Variants in LNPEP observed in about 807,000 individuals in gnomAD.
LNPEP encodes leucyl and cystinyl aminopeptidase, also known as leucyl-cystinyl aminopeptidase.
Under a neutral mutation model 120.6 loss-of-function variants are expected in LNPEP, and 64 were observed. The observed-to-expected ratio is 0.53, with a 90% CI of 0.43 to 0.65. The LOEUF (loss-of-function observed/expected upper bound fraction) is 0.65. Among genes scored for constraint, LNPEP ranks in the 30% least tolerant of loss-of-function variants. LNPEP has a pLI of 0.00. For missense variants in LNPEP, 1,057 were observed against 1,200.0 expected (o/e 0.88, Z 1.76); for synonymous variants, 435 against 425.4 (o/e 1.02, Z -0.28).
At chr5:96,985,758 G>GT (rs535139069) in intron 3 of LNPEP, among the ~76,000 whole-genome samples, 13,490 of 139,138 alleles carry the variant, frequency 0.097, 972 homozygotes, top group African/African-American at 0.21. Flanking sequence ...GTCTTTTTTT[G>GT]TTTTTTTTTT....
intron 4 of LNPEP, among the ~76,000 whole-genome samples, chr5:96,992,221 C>A (rs1412861877): frequency 6.6e-6 from 1 of 152,128 alleles, no homozygotes; most frequent in Non-Finnish European, 1.5e-5. Flanking sequence ...TCTGCCTTGT[C>A]TCTTAGTATG....
chr5:96,949,117 C>A (rs1414200832), intron 1 of LNPEP, among the ~76,000 whole-genome samples: 1 of 152,190 alleles, frequency 6.6e-6, no homozygotes, highest in Non-Finnish European at 1.5e-5. Flanking sequence ...GATCCTAATT[C>A]TTTACTAAGG....
chr5:96,992,185 G>A (rs1790405014), intron 4 of LNPEP, among the ~76,000 whole-genome samples: 1 of 152,130 alleles, frequency 6.6e-6, no homozygotes, highest in Non-Finnish European at 1.5e-5. Flanking sequence ...AGCAAGAATT[G>A]CAATTTAATA....
intron 1 of LNPEP, among the ~76,000 whole-genome samples, chr5:96,952,138 AT>A (rs1789338848): frequency 6.6e-6 from 1 of 152,164 alleles, no homozygotes; most frequent in South Asian, 2.1e-4. Flanking sequence ...ATTAAATAAA[AT>A]TTAAAAAAAA....
intron 13 of LNPEP, among the ~76,000 whole-genome samples, chr5:97,021,723 A>G (rs1791201234): frequency 6.6e-6 from 1 of 152,082 alleles, no homozygotes; most frequent in African/African-American, 2.4e-5. Flanking sequence ...TTCTGAGTTA[A>G]CATCACTAAA....
rs144478553 is a variant in LNPEP at position 97,026,459 on chromosome 5, C to T, written c.2724-158C>T. On this transcript the variant is annotated intron_variant, in intron 15 of 17. Coordinates refer to ENST00000231368, the MANE Select transcript of LNPEP (RefSeq NM_005575.3). ...TTCTTTCTTCATTTAAAAAAAATGACATTTTCAATCTATAGATCAACCGTA... is the reference window on the plus strand; with the variant it reads ...TTCTTTCTTCATTTAAAAAAAATGATATTTTCAATCTATAGATCAACCGTA... 4.0e-3 allele frequency among the ~76,000 whole-genome samples: 607 copies of T among 152,278 alleles called. 22 individuals are homozygous for T. The highest frequency in any genetic ancestry group is 0.036 in the Admixed American group (558 of 15,294).
At chr5:96,968,446 T>TG (rs1236861937) in intron 1 of LNPEP, among the ~76,000 whole-genome samples, 1 of 151,930 alleles carries the variant, frequency 6.6e-6, no homozygotes. Context: ...GGACTTACCC[T>TG]GGGGGGAAAG....
intron 4 of LNPEP, among the ~76,000 whole-genome samples, chr5:96,987,946 T>G (rs1259498002): frequency 6.6e-6 from 1 of 152,260 alleles, no homozygotes; most frequent in Non-Finnish European, 1.5e-5. Flanking sequence ...AAGACTCAGC[T>G]GAATACTACG....
intron 2 of LNPEP, among the ~76,000 whole-genome samples, chr5:96,981,163 C>T (rs887244280): frequency 6.6e-6 from 1 of 152,002 alleles, no homozygotes; most frequent in Admixed American, 6.6e-5. Flanking sequence ...AATATGTATT[C>T]TAATCATACC....
rs1790362405 is a variant in LNPEP at position 96,990,337 on chromosome 5, AG to A, written c.1132-2676del. ...GTCACAGTCCTGTATCAAGGGCTTC[AG>A]GTGTTAGAAGGCTGGGCTAATGAAG... On this transcript the variant is annotated intron_variant, in intron 4 of 17. Coordinates refer to ENST00000231368, the MANE Select transcript of LNPEP (RefSeq NM_005575.3). 6.6e-5 allele frequency among the ~76,000 whole-genome samples: 10 copies of A among 152,184 alleles called. No homozygotes were observed. The South Asian group carries it at 2.1e-3, about 31-fold the overall frequency.
Position 96,958,586 on chromosome 5 carries a change from A to C in LNPEP, c.20-20552A>C, listed in dbSNP as rs1174168739. The C allele has an allele frequency of 2.0e-5, 15 of 757,204 alleles. No individual in the cohort carries two copies. In the South Asian group the frequency reaches 8.4e-4, roughly 42 times the overall value. The allele number at this position is 757,204 out of a possible 1,614,324, so 46.9% of individuals were successfully genotyped here. A position where few individuals can be genotyped will look rare whatever the true frequency, so the allele number is the denominator to read the frequency against. On this transcript the variant is annotated intron_variant, in intron 1 of 17. Transcript: ENST00000231368. The stretch of plus-strand genomic sequence containing the variant: ...AACTTAAGCAATATAGTACAAATTT[A>C]TCTTAAAGTTATTGGCAGGTCAGAA...
intron 1 of LNPEP, chr5:96,943,170 T>G (rs1789100795): frequency 4.0e-6 from 2 of 500,514 alleles, no homozygotes; most frequent in South Asian, 1.1e-4. Context: ...GAGGTTGAAG[T>G]CACCATTGCA....
At position 97,036,568 on chromosome 5, in the gene LNPEP, C is replaced by A. The variant is rs1056371697; in HGVS notation, c.*8035C>A. The A allele has an allele frequency of 2.0e-5, 3 of 152,144 alleles. No homozygotes were observed. Among genetic ancestry groups the A allele is most frequent in the African/African-American group, 7.2e-5 (3 of 41,434 alleles). The allele number at this position is 152,144 out of a possible 1,614,324, so 9.4% of individuals were successfully genotyped here. A position where few individuals can be genotyped will look rare whatever the true frequency, so the allele number is the denominator to read the frequency against. ...ACATTTGTCTGCATCAGGGAAAATG[C>A]ATGGGCACACATCCTCCCTCCCTCC... On this transcript the variant is annotated 3_prime_UTR_variant, in exon 18 of 18. Transcript: ENST00000231368.
chr5:96,953,903 A>G lies in LNPEP; in HGVS notation c.19+17729A>G, dbSNP rs201016931. On this transcript the variant is annotated intron_variant, in intron 1 of 17. Coordinates refer to ENST00000231368, the MANE Select transcript of LNPEP (RefSeq NM_005575.3). The stretch of plus-strand genomic sequence containing the variant: ...TTATTTTTGATTCTGAACCCATAGC[A>G]GTTTCTAACCGGTGTTCGTCAGTTT... Among the ~76,000 whole-genome samples, 61 of 152,344 alleles carry G rather than the reference A, an allele frequency of 4.0e-4. No individual in the cohort carries two copies. The East Asian group carries it at 5.8e-3, about 14-fold the overall frequency.
intron 1 of LNPEP, among the ~76,000 whole-genome samples, chr5:96,975,469 A>T (rs1209966611): frequency 6.6e-6 from 1 of 152,074 alleles, no homozygotes; most frequent in Non-Finnish European, 1.5e-5. Context: ...TTTTGACGTG[A>T]CTTGTAATCA....
At chr5:97,008,755 C>G (rs1314894043) in intron 11 of LNPEP, among the ~76,000 whole-genome samples, 1 of 151,006 alleles carries the variant, frequency 6.6e-6, no homozygotes, top group African/African-American at 2.4e-5. Flanking sequence ...AGCTCCGCCT[C>G]CCGGGTTCAC....
At chr5:96,992,867 A>G (rs763733708) in intron 4 of LNPEP, 148 bp from the exon 5 acceptor site, 81 of 558,106 alleles carry the variant, frequency 1.5e-4, no homozygotes, top group Non-Finnish European at 2.4e-4. Context: ...TGTTGGGACT[A>G]AAGTAACCAT....
intron 2 of LNPEP, among the ~76,000 whole-genome samples, chr5:96,980,687 T>C (rs575131264): frequency 9.8e-4 from 149 of 152,312 alleles, no homozygotes; most frequent in African/African-American, 3.5e-3. Context: ...AGCAGTGATA[T>C]CAGTTGTCTT....
chr5:96,955,281 C>G (rs1209098291), intron 1 of LNPEP, among the ~76,000 whole-genome samples: 1 of 151,728 alleles, frequency 6.6e-6, no homozygotes, highest in East Asian at 1.9e-4. Flanking sequence ...CTTTTTTGGC[C>G]TGACTTCTTT....
Sources: allele counts gnomAD v4.1 joint callset (sites outside exome capture counted in the v4.1 genomes callset), GRCh38; gene constraint gnomAD v4.1.1; transcripts MANE v1.5; gene names NCBI Gene and HGNC (gene_info 2026-07-23, HGNC 2026-07-21).